Variants in PRRX1 observed in about 807,000 individuals in gnomAD.
PRRX1 encodes paired mesoderm homeobox protein 1.
PRRX1 carries 8 observed loss-of-function variants against 24.0 expected under a neutral mutation model. The observed-to-expected ratio is 0.33, with a 90% confidence interval of 0.20 to 0.60. The LOEUF (loss-of-function observed/expected upper bound fraction) is 0.60, where lower values mean the gene tolerates loss of function less well. Ranked by LOEUF, PRRX1 falls within the 20% of genes least tolerant of loss-of-function variation. PRRX1 has a pLI of 0.82. For missense variants in PRRX1, 281 were observed against 322.4 expected, an observed-to-expected ratio of 0.87 and a Z score of 0.98; for synonymous variants, 160 against 131.7, an observed-to-expected ratio of 1.22 and a Z score of -1.47.
intron 1 of PRRX1, among the ~76,000 whole-genome samples, chr1:170,698,996 A>G (rs1654264730): frequency 6.6e-6 from 1 of 152,224 alleles, no homozygotes; most frequent in Non-Finnish European, 1.5e-5. Context: ...ATCCTTTGTC[A>G]GAGTAATTGA....
At chr1:170,673,125 TG>T (rs1233812785) in intron 1 of PRRX1, among the ~76,000 whole-genome samples, 1 of 152,206 alleles carries the variant, frequency 6.6e-6, no homozygotes, top group African/African-American at 2.4e-5. Flanking sequence ...ATTTAGGTTT[TG>T]GGGACTGGAT....
intron 1 of PRRX1, among the ~76,000 whole-genome samples, chr1:170,701,509 T>C (rs929782733): frequency 2.6e-5 from 4 of 152,222 alleles, no homozygotes; most frequent in African/African-American, 9.6e-5. Flanking sequence ...GATCATTCCA[T>C]TTCTACTCAG....
Position 170,726,119 on chromosome 1 carries a change from C to T in PRRX1, c.418-101C>T, listed in dbSNP as rs901675763. 7.0e-6 allele frequency: 8 copies of T among 1,135,702 alleles called. No individual in the cohort carries two copies. In the African/African-American group the frequency reaches 7.7e-5, roughly 11 times the overall value. The allele number at this position is 1,135,702 out of a possible 1,614,324, so 70.4% of individuals were successfully genotyped here. A position where few individuals can be genotyped will look rare whatever the true frequency, so the allele number is the denominator to read the frequency against. ...CCATCTTATATCTTCTTTGGGAAGGCATTATATAGTAAAATCAAGCAGAAT... is the reference window on the plus strand; with the variant it reads ...CCATCTTATATCTTCTTTGGGAAGGTATTATATAGTAAAATCAAGCAGAAT... On this transcript the variant is annotated intron_variant, in intron 2 of 3. Transcript: ENST00000239461.
intron 1 of PRRX1, among the ~76,000 whole-genome samples, chr1:170,666,946 G>T (rs1421042116): frequency 2.0e-5 from 3 of 152,104 alleles, no homozygotes; most frequent in Non-Finnish European, 4.4e-5. Context: ...ACAGGCTTCT[G>T]TGAGACCTGA....
intron 1 of PRRX1, among the ~76,000 whole-genome samples, chr1:170,705,038 A>G (rs1449717330): frequency 1.3e-5 from 2 of 152,206 alleles, no homozygotes; most frequent in African/African-American, 4.8e-5. Context: ...TTTGGGTCCT[A>G]GTGGAATGGT....
Position 170,664,405 on chromosome 1 carries a change from A to G in PRRX1, c.187A>G (p.Ser63Gly). The G allele has an allele frequency of 6.2e-7, 1 of 1,612,042 alleles. No individual in the cohort carries two copies. Among genetic ancestry groups the G allele is most frequent in the South Asian group, 1.1e-5 (1 of 90,662 alleles). The change falls in exon 1 of 4, where the codon AGC becomes GGC. Residue 63 changes from serine to glycine, a missense_variant. Coordinates refer to ENST00000239461, the MANE Select transcript of PRRX1 (RefSeq NM_022716.4). ...TGAGAACGTGGGCGAGGCTGGCCGG[A>G]GCCTGCTGGAGTCGCCGGGACTCAC... ...ADENVGEAGR[S>G]LLESPGLTSG...
chr1:170,694,050 G>A (rs1402205633), intron 1 of PRRX1, among the ~76,000 whole-genome samples: 3 of 151,898 alleles, frequency 2.0e-5, no homozygotes, highest in Admixed American at 1.3e-4. Flanking sequence ...GAAAGTTGTC[G>A]CCACGAAGGA....
At chr1:170,691,227 T>C (rs1653934531) in intron 1 of PRRX1, among the ~76,000 whole-genome samples, 1 of 152,120 alleles carries the variant, frequency 6.6e-6, no homozygotes, top group African/African-American at 2.4e-5. Context: ...GCAGATGGGT[T>C]GCATGTTTGC....
At chr1:170,666,417 C>CAAAA (rs35075394) in intron 1 of PRRX1, among the ~76,000 whole-genome samples, 1,015 of 75,800 alleles carry the variant, frequency 0.013, 55 homozygotes, top group East Asian at 0.032. Flanking sequence ...GACTCCGTCT[C>CAAAA]AAAAAAAAAA....
At chr1:170,688,622 G>A (rs1437797572) in intron 1 of PRRX1, among the ~76,000 whole-genome samples, 1 of 151,908 alleles carries the variant, frequency 6.6e-6, no homozygotes, top group South Asian at 2.1e-4. Flanking sequence ...TGACTATATC[G>A]TTTCATAGAC....
intron 1 of PRRX1, among the ~76,000 whole-genome samples, chr1:170,664,983 C>G (rs1276711909): frequency 6.6e-6 from 1 of 152,252 alleles, no homozygotes; most frequent in African/African-American, 2.4e-5. Context: ...TCCACGCGGG[C>G]ACCGTAAGGC....
chr1:170,695,154 C>T (rs1160400007), intron 1 of PRRX1, among the ~76,000 whole-genome samples: 7 of 152,076 alleles, frequency 4.6e-5, no homozygotes, highest in Admixed American at 3.3e-4. Context: ...ACAACCATAC[C>T]CCATGAACTA....
At chr1:170,721,304 T>C (rs932931990) in intron 2 of PRRX1, among the ~76,000 whole-genome samples, 1 of 152,214 alleles carries the variant, frequency 6.6e-6, no homozygotes, top group African/African-American at 2.4e-5. Flanking sequence ...AAAATTATTG[T>C]TTGTATATCT....
rs1016254836 is a variant in PRRX1, at chr1:170,736,556, A to C, written c.*370A>C. On this transcript the variant is annotated 3_prime_UTR_variant, in exon 4 of 4. Transcript: ENST00000239461. ...GCAGCCAAAGAAACTATATATATAT[A>C]TATATATATATATATCCAGAATGAT... The C allele has an allele frequency of 1.4e-5, 3 of 219,210 alleles. No homozygotes were observed. The East Asian group carries it at 2.9e-4, about 21-fold the overall frequency. 13.6% of individuals were successfully genotyped at this position (219,210 alleles called of 1,614,324 possible).
At chr1:170,710,461 C>A (rs1290881005) in intron 1 of PRRX1, among the ~76,000 whole-genome samples, 1 of 152,156 alleles carries the variant, frequency 6.6e-6, no homozygotes, top group South Asian at 2.1e-4. Context: ...CAATCCAAAG[C>A]CATTTCCACT....
intron 1 of PRRX1, among the ~76,000 whole-genome samples, chr1:170,671,837 G>A (rs528344779): frequency 1.3e-5 from 2 of 152,268 alleles, no homozygotes; most frequent in East Asian, 1.9e-4. Flanking sequence ...GGGTTCCATG[G>A]CGGAGGAGAG....
chr1:170,691,633 T>C (rs967667772), intron 1 of PRRX1, among the ~76,000 whole-genome samples: 13 of 151,660 alleles, frequency 8.6e-5, no homozygotes, highest in African/African-American at 2.7e-4. Flanking sequence ...TATTGTTGTG[T>C]CAATTGCTTT....
chr1:170,730,332 C>A (rs146552721), intron 3 of PRRX1: 5 of 1,610,548 alleles, frequency 3.1e-6, no homozygotes, highest in Non-Finnish European at 4.2e-6. Flanking sequence ...CGGATTCTAA[C>A]GGAAGACACT....
At chr1:170,667,786 C>G (rs1204858956) in intron 1 of PRRX1, 1 of 152,222 alleles carries the variant, frequency 6.6e-6, no homozygotes, top group African/African-American at 2.4e-5. Context: ...GCCTTTGGCT[C>G]TTTTAGCTAT....
Sources: allele counts gnomAD v4.1 joint callset (sites outside exome capture counted in the v4.1 genomes callset), GRCh38; gene constraint gnomAD v4.1.1; transcripts MANE v1.5; gene names NCBI Gene and HGNC (gene_info 2026-07-23, HGNC 2026-07-21).